LINGO2: variants seen among roughly 807,000 people sequenced by gnomAD.
LINGO2 encodes leucine-rich repeat and immunoglobulin-like domain-containing nogo receptor-interacting protein 2.
Under a neutral mutation model 30.6 loss-of-function variants are expected in LINGO2, and 14 were observed. The observed-to-expected ratio is 0.46, with a 90% CI of 0.30 to 0.72. The LOEUF (loss-of-function observed/expected upper bound fraction) is 0.72. LINGO2 is among the 30% of genes least tolerant of loss of function. LINGO2 has a pLI of 0.07. For synonymous variants in LINGO2, 317 were observed against 288.5 expected (o/e 1.10, Z -1.00); for missense variants, 729 against 751.7 (o/e 0.97, Z 0.35).
intron 4 of LINGO2, among the ~76,000 whole-genome samples, chr9:28,107,691 A>G (rs551082595): frequency 6.6e-6 from 1 of 152,276 alleles, no homozygotes; most frequent in African/African-American, 2.4e-5. Flanking sequence ...ATAGAGGACA[A>G]AGCAAAAAGG....
chr9:29,078,088 G>T, the LINGO2 span, among the ~76,000 whole-genome samples: 29,912 of 151,786 alleles, frequency 0.2, 3,071 homozygotes, highest in African/African-American at 0.24. Context: ...CTTAACTGAT[G>T]ATTATTAACA....
chr9:29,077,177 C>T, the LINGO2 span, among the ~76,000 whole-genome samples: 1 of 151,762 alleles, frequency 6.6e-6, no homozygotes, highest in African/African-American at 2.4e-5. Flanking sequence ...TTGTGTTACA[C>T]AATCATTGCA....
the LINGO2 span, among the ~76,000 whole-genome samples, chr9:29,082,961 A>G: frequency 6.6e-6 from 1 of 152,172 alleles, no homozygotes; most frequent in African/African-American, 2.4e-5. Flanking sequence ...GTGGAGAAAT[A>G]GGAACACTTT....
chr9:28,161,644 A>G (rs1354974891), intron 4 of LINGO2, among the ~76,000 whole-genome samples: 1 of 152,132 alleles, frequency 6.6e-6, no homozygotes, highest in Non-Finnish European at 1.5e-5. Context: ...AGAAGGATTC[A>G]TGTGTAAAGG....
rs75503045 is a variant in LINGO2, at chr9:28,623,235, C to A, written c.-365+46965G>T. ...TCCATTTTTGCTTTTGTTGTTTGTG[C>A]TTGTGGGGTATTACTGAAGAAATTT... On this transcript the variant is annotated intron_variant, in intron 1 of 5. Coordinates refer to ENST00000379992, the Ensembl canonical transcript of LINGO2. Among the ~76,000 whole-genome samples, 841 of 152,030 alleles carry A rather than the reference C, an allele frequency of 5.5e-3. 17 individuals carry two copies. In the East Asian group the frequency reaches 0.073, roughly 13 times the overall value.
chr9:28,036,770 A>G (rs922383598), intron 4 of LINGO2, among the ~76,000 whole-genome samples: 1 of 148,980 alleles, frequency 6.7e-6, no homozygotes, highest in African/African-American at 2.6e-5. Flanking sequence ...GTGTAAGATA[A>G]GAGACAATTA....
chr9:28,243,607 A>C (rs1389176663), intron 4 of LINGO2, among the ~76,000 whole-genome samples: 1 of 152,048 alleles, frequency 6.6e-6, no homozygotes, highest in African/African-American at 2.4e-5. Flanking sequence ...TTTACCAAGC[A>C]AATGGAAAGC....
At chr9:28,241,427 T>G (rs1821795168) in intron 4 of LINGO2, among the ~76,000 whole-genome samples, 1 of 151,934 alleles carries the variant, frequency 6.6e-6, no homozygotes, top group Admixed American at 6.5e-5. Context: ...GGTATCAGGG[T>G]TCTGTCATTA....
chr9:27,951,078 C>T (rs754858627), intron 5 of LINGO2, among the ~76,000 whole-genome samples: 2 of 152,128 alleles, frequency 1.3e-5, no homozygotes, highest in African/African-American at 2.4e-5. Flanking sequence ...AGAAACAGGT[C>T]AACAGCTAAG....
chr9:29,042,568 T>G, the LINGO2 span, among the ~76,000 whole-genome samples: 1 of 151,976 alleles, frequency 6.6e-6, no homozygotes, highest in Admixed American at 6.6e-5. Context: ...GTATTTTCCT[T>G]TGTTGTTTTG....
chr9:28,355,791 T>G (rs1304176761), intron 3 of LINGO2, among the ~76,000 whole-genome samples: 1 of 151,310 alleles, frequency 6.6e-6, no homozygotes, highest in Non-Finnish European at 1.5e-5. Flanking sequence ...AAATGTGACT[T>G]GCATTAAGGT....
At chr9:28,603,443 A>C (rs1825572907) in intron 1 of LINGO2, among the ~76,000 whole-genome samples, 1 of 152,060 alleles carries the variant, frequency 6.6e-6, no homozygotes, top group African/African-American at 2.4e-5. Context: ...TTTCAAAAAA[A>C]AGTTGGGAAT....
intron 2 of LINGO2, among the ~76,000 whole-genome samples, chr9:28,448,561 C>A (rs1824520009): frequency 6.6e-6 from 1 of 151,862 alleles, no homozygotes; most frequent in Admixed American, 6.6e-5. Context: ...GTTCTTGATA[C>A]CCAAGAACAT....
the LINGO2 span, among the ~76,000 whole-genome samples, chr9:28,730,629 T>C: frequency 1.3e-5 from 2 of 151,978 alleles, no homozygotes; most frequent in African/African-American, 4.8e-5. Context: ...AATTAGAAAA[T>C]GGGCAAAATA....
intron 1 of LINGO2, among the ~76,000 whole-genome samples, chr9:28,586,836 C>T (rs984992598): frequency 1.3e-5 from 2 of 151,916 alleles, no homozygotes; most frequent in African/African-American, 4.8e-5. Context: ...TGCTCCTACT[C>T]AGAGGAGGTA....
At chr9:28,344,301 T>C (rs962853651) in intron 3 of LINGO2, among the ~76,000 whole-genome samples, 2 of 152,110 alleles carry the variant, frequency 1.3e-5, no homozygotes, top group South Asian at 2.1e-4. Context: ...GGGGATCATA[T>C]GAGCACTAAG....
chr9:28,506,463 T>C (rs10968627), intron 1 of LINGO2, among the ~76,000 whole-genome samples: 1,733 of 20,174 alleles, frequency 0.086, 185 homozygotes, highest in Middle Eastern at 0.44. Flanking sequence ...CACATACACA[T>C]ACACACACAC....
chr9:27,980,253 G>A (rs1820793437), intron 5 of LINGO2, among the ~76,000 whole-genome samples: 1 of 151,928 alleles, frequency 6.6e-6, no homozygotes, highest in African/African-American at 2.4e-5. Flanking sequence ...CGTGCAGGAT[G>A]CTAAGTGCCT....
chr9:28,233,470 C>A (rs1419493173), intron 4 of LINGO2, among the ~76,000 whole-genome samples: 6 of 151,966 alleles, frequency 3.9e-5, no homozygotes, highest in African/African-American at 1.5e-4. Context: ...ATGTTATGAG[C>A]AGTCATTTAA....
Sources: allele counts gnomAD v4.1 joint callset (sites outside exome capture counted in the v4.1 genomes callset), GRCh38; gene constraint gnomAD v4.1.1; transcripts MANE v1.5; gene names NCBI Gene and HGNC (gene_info 2026-07-23, HGNC 2026-07-21).